The following PCSK2 variants were observed in gnomAD, a reference collection of about 807,000 sequenced individuals.
The protein encoded by PCSK2 is neuroendocrine convertase 2.
PCSK2 carries 14 observed loss-of-function variants against 69.7 expected under a neutral mutation model. The observed-to-expected ratio is 0.20, with a 90% CI of 0.13 to 0.31. The LOEUF is 0.31. Among genes scored for constraint, PCSK2 ranks in the 10% least tolerant of loss-of-function variants. PCSK2 has a pLI of 1.00. For missense variants in PCSK2, 544 were observed against 842.5 expected, an observed-to-expected ratio of 0.65 and a Z score of 4.39; for synonymous variants, 307 against 320.7, an observed-to-expected ratio of 0.96 and a Z score of 0.46.
chr20:17,320,851 G>A, intron 2 of PCSK2, among the ~76,000 whole-genome samples: 1 of 152,162 alleles, frequency 6.6e-6, no homozygotes, highest in East Asian at 1.9e-4. Flanking sequence ...TATGGGAAAG[G>A]CTAGAGTCCT....
intron 2 of PCSK2, among the ~76,000 whole-genome samples, chr20:17,347,893 AAAGAAAGAAAGAAAGAAAGAAAGAAAGG>A (rs1990713398): frequency 9.1e-5 from 1 of 10,990 alleles, no homozygotes; most frequent in African/African-American, 2.2e-4. Context: ...AGAAAGAAAG[AAAGAAAGAAAGAAAGAAAGAAAGAAAGG>A]AGAGAGAAAA....
chr20:17,310,034 C>T (rs919295935), intron 2 of PCSK2, among the ~76,000 whole-genome samples: 1 of 151,778 alleles, frequency 6.6e-6, no homozygotes, highest in Non-Finnish European at 1.5e-5. Context: ...CCAATCATGG[C>T]GGAAGGCAAA....
At chr20:17,337,182 G>T (rs1229444810) in intron 2 of PCSK2, among the ~76,000 whole-genome samples, 3 of 152,210 alleles carry the variant, frequency 2.0e-5, no homozygotes, top group Non-Finnish European at 4.4e-5. Flanking sequence ...ATGGAGAAGA[G>T]CCCTGTTTCC....
intron 2 of PCSK2, among the ~76,000 whole-genome samples, chr20:17,274,653 T>A (rs1377744133): frequency 6.6e-6 from 1 of 152,078 alleles, no homozygotes; most frequent in Non-Finnish European, 1.5e-5. Flanking sequence ...ATCTCAGAAG[T>A]GGATCTTTTA....
chr20:17,232,662 T>C (rs1414368198), intron 1 of PCSK2, among the ~76,000 whole-genome samples: 1 of 152,184 alleles, frequency 6.6e-6, no homozygotes, highest in Non-Finnish European at 1.5e-5. Flanking sequence ...CAATGTTCAA[T>C]CCAGATTATA....
At chr20:17,425,122 G>T (rs2032218301) in intron 6 of PCSK2, among the ~76,000 whole-genome samples, 1 of 152,170 alleles carries the variant, frequency 6.6e-6, no homozygotes, top group Non-Finnish European at 1.5e-5. Flanking sequence ...TAAGAAAAAT[G>T]TTTGGCTTTG....
chr20:17,347,804 GAAA>G (rs1990692156), intron 2 of PCSK2, among the ~76,000 whole-genome samples: 1 of 94,842 alleles, frequency 1.1e-5, no homozygotes, highest in African/African-American at 4.3e-5. Context: ...AAGAAAGAAA[GAAA>G]GAAAGAAAGA....
intron 5 of PCSK2, among the ~76,000 whole-genome samples, chr20:17,373,332 G>T (rs369026208): frequency 1.5e-4 from 23 of 152,156 alleles, no homozygotes; most frequent in African/African-American, 5.1e-4. Context: ...GATCCCCCTT[G>T]GGATGTGATG....
chr20:17,463,207 A>G (rs2033041888), intron 10 of PCSK2, among the ~76,000 whole-genome samples: 1 of 152,200 alleles, frequency 6.6e-6, no homozygotes, highest in African/African-American at 2.4e-5. Flanking sequence ...GCCCTTCTCC[A>G]GGCATCAGAA....
Position 17,351,038 on chromosome 20 carries a change from TAA to T in PCSK2, c.283-7272_283-7271del, listed in dbSNP as rs11471979. Among the ~76,000 whole-genome samples the T allele has an allele frequency of 1.5e-3, 196 of 134,100 alleles. 1 individual carries two copies. The highest frequency in any genetic ancestry group is 4.7e-3 in the Admixed American group (62 of 13,288). 88.0% of individuals were successfully genotyped at this position (134,100 alleles called of 152,430 possible). The stretch of plus-strand genomic sequence containing the variant: ...CTGGGTGACAGAGCAAGACTTCATC[TAA>T]AAAAAAAAAAAAAAAATTAATGTAG... On this transcript the variant is annotated intron_variant, in intron 2 of 11. Coordinates refer to ENST00000262545, the MANE Select transcript of PCSK2 (RefSeq NM_002594.5).
chr20:17,277,168 C>A (rs1346649080), intron 2 of PCSK2, among the ~76,000 whole-genome samples: 1 of 152,094 alleles, frequency 6.6e-6, no homozygotes, highest in Non-Finnish European at 1.5e-5. Flanking sequence ...GATTCAATGC[C>A]ATCCCCATCA....
chr20:17,424,027 G>A (rs1206354024), intron 6 of PCSK2, among the ~76,000 whole-genome samples: 2 of 152,206 alleles, frequency 1.3e-5, no homozygotes, highest in Non-Finnish European at 2.9e-5. Context: ...CATATAACCT[G>A]TTTTAAATCC....
chr20:17,402,158 C>A (rs2031653060), intron 5 of PCSK2, among the ~76,000 whole-genome samples: 1 of 152,240 alleles, frequency 6.6e-6, no homozygotes, highest in African/African-American at 2.4e-5. Flanking sequence ...TGCAATACAG[C>A]TGCACTCCTC....
intron 7 of PCSK2, among the ~76,000 whole-genome samples, chr20:17,433,812 T>TCTC (rs774361715): frequency 9.6e-6 from 1 of 104,132 alleles, no homozygotes; most frequent in African/African-American, 4.1e-5. Context: ...TCTCTCTCTC[T>TCTC]CCCCCCACTT....
intron 2 of PCSK2, among the ~76,000 whole-genome samples, chr20:17,285,496 A>G (rs1197382295): frequency 1.3e-5 from 2 of 152,172 alleles, no homozygotes; most frequent in Admixed American, 6.6e-5. Context: ...CTCTATTTTG[A>G]TCTTTAGTCT....
chr20:17,309,827 A>G (rs1989445124), intron 2 of PCSK2, among the ~76,000 whole-genome samples: 1 of 149,592 alleles, frequency 6.7e-6, no homozygotes, highest in South Asian at 2.1e-4. Context: ...AAAGGAGAGA[A>G]GAAGAAGAAG....
intron 7 of PCSK2, among the ~76,000 whole-genome samples, chr20:17,436,310 C>A (rs2032483286): frequency 6.6e-6 from 1 of 152,100 alleles, no homozygotes; most frequent in Admixed American, 6.6e-5. Context: ...ATATTGATTG[C>A]CTCCCCCATC....
chr20:17,444,304 G>T (rs1178114380), intron 8 of PCSK2, among the ~76,000 whole-genome samples: 1 of 152,120 alleles, frequency 6.6e-6, no homozygotes, highest in Non-Finnish European at 1.5e-5. Flanking sequence ...TTTTATCGGG[G>T]CATGCACTGT....
chr20:17,284,072 A>G lies in PCSK2; in HGVS notation c.282+23728A>G, dbSNP rs559576802. 3.3e-5 allele frequency among the ~76,000 whole-genome samples: 5 copies of G among 151,852 alleles called. No individual in the cohort carries two copies. In the South Asian group the frequency reaches 1.0e-3, roughly 32 times the overall value. On this transcript the variant is annotated intron_variant, in intron 2 of 11. Coordinates refer to ENST00000262545, the MANE Select transcript of PCSK2 (RefSeq NM_002594.5). ...GACTTTTGTGGGCATTGTTATATCA[A>G]CTCCACCCCCACCATTGCCATCTCA... is the stretch of plus-strand genomic sequence containing the variant.
Sources: gnomAD v4.1 joint callset for allele counts (sites outside exome capture counted in the v4.1 genomes callset) on GRCh38, gnomAD v4.1.1 for gene constraint, MANE v1.5 for transcripts, NCBI Gene and HGNC (gene_info 2026-07-23, HGNC 2026-07-21) for gene names.